PMPCB: variants seen among roughly 807,000 people sequenced by gnomAD.
PMPCB encodes the protein peptidase, mitochondrial processing subunit beta.
Under a neutral mutation model 61.5 loss-of-function variants are expected in PMPCB, and 46 were observed. That is an observed-to-expected ratio of 0.75 (90% CI 0.59 to 0.96). The LOEUF (loss-of-function observed/expected upper bound fraction) is 0.96, where lower values mean the gene tolerates loss of function less well. PMPCB is among the 40% of genes least tolerant of loss of function. PMPCB has a pLI of 0.00. For synonymous variants in PMPCB, 191 were observed against 201.6 expected, an observed-to-expected ratio of 0.95 and a Z score of 0.44; for missense variants, 590 against 602.4, an observed-to-expected ratio of 0.98 and a Z score of 0.22.
Position 103,297,491 on chromosome 7 carries a change from C to T in PMPCB, c.32C>T (p.Ser11Leu), listed in dbSNP as rs760746927. The change falls in exon 1 of 13, where the codon TCA (serine) becomes TTA (leucine). Residue 11 changes from serine (S) to leucine (L), a missense_variant. Ser to Leu is a moderately radical substitution (Grantham distance 145). Transcript: ENST00000249269. MAAAAARVVL[S>L]SAARRRLWGF... Reference sequence around the variant, plus strand: ...GCTGCGGCGGCTCGAGTGGTGTTGTCATCCGCGGCGCGGCGGCGGCTCTGG... The same window carrying T: ...GCTGCGGCGGCTCGAGTGGTGTTGTTATCCGCGGCGCGGCGGCGGCTCTGG... The T allele has an allele frequency of 2.6e-5, 41 of 1,570,984 alleles. No individual in the cohort carries two copies. The highest frequency in any genetic ancestry group is 4.1e-5 in the African/African-American group (3 of 73,766).
At chr7:103,308,693 A>G (rs1817657004) in intron 7 of PMPCB, among the ~76,000 whole-genome samples, 3 of 149,714 alleles carry the variant, frequency 2.0e-5, no homozygotes, top group Admixed American at 6.6e-5. Context: ...AAATGATGCA[A>G]CCCTTTTGAC....
downstream of PMPCB, among the ~76,000 whole-genome samples, chr7:103,317,971 A>C (rs1313986076): frequency 7.3e-6 from 1 of 137,756 alleles, no homozygotes; most frequent in Non-Finnish European, 1.6e-5. Flanking sequence ...TAAATAAATA[A>C]GATTCTTGTA....
At chr7:103,322,820 A>C (rs776020528) in intron 12 of PMPCB, 2 of 1,541,904 alleles carry the variant, frequency 1.3e-6, no homozygotes. Context: ...TATTGGAAAC[A>C]AACTACTGCT....
chr7:103,341,243 T>C, the PMPCB span, among the ~76,000 whole-genome samples: 1 of 152,208 alleles, frequency 6.6e-6, no homozygotes, highest in Non-Finnish European at 1.5e-5. Context: ...GCCAAGGGAA[T>C]TACTTTTCTA....
chr7:103,327,471 G>A lies in PMPCB; in HGVS notation c.*1432-1460G>A. The A allele has an allele frequency of 7.2e-6, 5 of 699,242 alleles. No individual in the cohort carries two copies. The South Asian group carries it at 8.2e-5, about 12-fold the overall frequency. 43.3% of individuals were successfully genotyped at this position (699,242 alleles called of 1,614,324 possible). ...CCAGGTGTTGCTGATGCTGCTGGCTGGGGACACCTCACTTTGTGTCGTGAG... is the reference window on the plus strand; with the variant it reads ...CCAGGTGTTGCTGATGCTGCTGGCTAGGGACACCTCACTTTGTGTCGTGAG... On this transcript the variant is annotated intron_variant and NMD_transcript_variant, in intron 12 of 12. Transcript: ENST00000444457.
chr7:103,328,138 T>C (rs1026381973), intron 12 of PMPCB, among the ~76,000 whole-genome samples: 8 of 151,750 alleles, frequency 5.3e-5, no homozygotes, highest in African/African-American at 9.7e-5. Context: ...GCCAGGCTGG[T>C]CTCAAACTCT....
chr7:103,321,618 C>T (rs1818419052), intron 12 of PMPCB, among the ~76,000 whole-genome samples: 3 of 151,360 alleles, frequency 2.0e-5, no homozygotes, highest in East Asian at 2.0e-4. Flanking sequence ...GAGGCCAAGG[C>T]GGGGAGATCA....
chr7:103,320,949 G>GCA (rs766438222), intron 12 of PMPCB: 2 of 152,496 alleles, frequency 1.3e-5, no homozygotes, highest in Non-Finnish European at 2.9e-5. Flanking sequence ...TATAATCCTA[G>GCA]CACTTTGGGA....
At chr7:103,298,831 C>A in intron 2 of PMPCB, 123 bp downstream of exon 2, 1 of 880,442 alleles carries the variant, frequency 1.1e-6, no homozygotes, top group Non-Finnish European at 1.7e-6. Context: ...TTTGCCTTGA[C>A]AGATTTCCAT....
At chr7:103,330,363 C>T (rs1360980732), downstream of PMPCB, among the ~76,000 whole-genome samples, 2 of 152,070 alleles carry the variant, frequency 1.3e-5, no homozygotes, top group Admixed American at 6.6e-5. Context: ...TCTCAGCTCA[C>T]TGTAGTCTTA....
rs923014492 is a variant in PMPCB, at chr7:103,326,776, T to C, written c.*1432-2155T>C. 8.7e-6 allele frequency: 11 copies of C among 1,264,042 alleles called. No homozygotes were observed. In the African/African-American group the frequency reaches 1.4e-4, roughly 16 times the overall value. 78.3% of individuals were successfully genotyped at this position (1,264,042 alleles called of 1,614,324 possible). On this transcript the variant is annotated intron_variant and NMD_transcript_variant, in intron 12 of 12. Transcript: ENST00000444457. ...TATTTCCCTCCTTAAAACATAGAAG[T>C]CATTAATTTTCATATTTGAAAATTT...
chr7:103,309,829 A>C (rs1817688297), intron 8 of PMPCB, among the ~76,000 whole-genome samples: 1 of 152,246 alleles, frequency 6.6e-6, no homozygotes, highest in Non-Finnish European at 1.5e-5. Flanking sequence ...ACATGGTAAA[A>C]TAACAGGGAA....
chr7:103,304,398 A>T lies in PMPCB; in HGVS notation c.657-13A>T. 2 of 1,451,082 alleles carry T rather than the reference A, an allele frequency of 1.4e-6. No homozygotes were observed. Among genetic ancestry groups the T allele is most frequent in the Non-Finnish European group, 1.9e-6 (2 of 1,040,156 alleles). The allele number at this position is 1,451,082 out of a possible 1,614,324, so 89.9% of individuals were successfully genotyped here. On this transcript the variant is annotated splice_polypyrimidine_tract_variant and intron_variant, in intron 5 of 12. Coordinates refer to ENST00000249269, the MANE Select transcript of PMPCB (RefSeq NM_004279.3). Reference sequence around the variant, plus strand: ...TTTGGTTTCCTTTAAAAATTGTTTTACTTCATTTACAGATCTATAAGTCGT... The same window carrying T: ...TTTGGTTTCCTTTAAAAATTGTTTTTCTTCATTTACAGATCTATAAGTCGT...
At position 103,312,343 on chromosome 7, in the gene PMPCB, T is replaced by C. The variant is rs1817791643; in HGVS notation, c.*72T>C. 2 of 1,581,174 alleles carry C rather than the reference T, an allele frequency of 1.3e-6. No homozygotes were observed. The highest frequency in any genetic ancestry group is 1.4e-5 in the African/African-American group (1 of 73,632). ...AGCTAGAGAAAAATAAAAATGAACA[T>C]GTATATACATTTGGAAATTTGAATT... On this transcript the variant is annotated 3_prime_UTR_variant, in exon 13 of 13. Coordinates refer to ENST00000249269, the MANE Select transcript of PMPCB (RefSeq NM_004279.3).
In PMPCB at chr7:103,312,288, ATTGT is replaced by A. The variant is rs1563451203; in HGVS notation, c.*21_*24del. 6.2e-7 allele frequency: 1 copy of A among 1,607,994 alleles called. No individual in the cohort carries two copies. The highest frequency in any genetic ancestry group is 1.3e-5 in the African/African-American group (1 of 75,012). On this transcript the variant is annotated 3_prime_UTR_variant, in exon 13 of 13. Transcript: ENST00000249269. ...CGTGATTAAAATGCTCCTAATCAAG[ATTGT>A]TTGAACACATGTATTTATAAAACAG...
intron 12 of PMPCB, among the ~76,000 whole-genome samples, chr7:103,328,130 C>T (rs1818804386): frequency 6.6e-6 from 1 of 151,782 alleles, no homozygotes; most frequent in African/African-American, 2.4e-5. Context: ...CTATGTTGGC[C>T]AGGCTGGTCT....
chr7:103,304,442 A>G lies in PMPCB; in HGVS notation c.688A>G (p.Ile230Val). 2 of 1,606,296 alleles carry G rather than the reference A, an allele frequency of 1.2e-6. No individual in the cohort carries two copies. Among genetic ancestry groups the G allele is most frequent in the Non-Finnish European group, 1.7e-6 (2 of 1,172,848 alleles). Reference protein sequence around the residue: ...SISRKDLVDYITTHYKGPRIV... With the variant: ...SISRKDLVDYVTTHYKGPRIV... The stretch of plus-strand genomic sequence containing the variant: ...AAGTCGTAAGGACTTAGTGGATTAT[A>G]TAACCACACATTATAAGGGGCCAAG... The change falls in exon 6 of 13, where the codon ATA becomes GTA. Residue 230 changes from isoleucine to valine, a missense_variant. Transcript: ENST00000249269.
Position 103,303,837 on chromosome 7 carries a change from A to G in PMPCB, c.458-5A>G, listed in dbSNP as rs773275043. The G allele has an allele frequency of 3.5e-5, 56 of 1,589,622 alleles. No individual in the cohort carries two copies. Among genetic ancestry groups the G allele is most frequent in the Non-Finnish European group, 4.6e-5 (54 of 1,166,944 alleles). On this transcript the variant is annotated splice_polypyrimidine_tract_variant and splice_region_variant and intron_variant, in intron 4 of 12. Transcript: ENST00000249269. ...CACGTTTTCTTATATTTTATTTTCA[A>G]TTAGCTGTAGAAATTCTTGCTGATA...
In PMPCB at chr7:103,314,300, C is replaced by T; in HGVS notation, c.*2029C>T. 1.0e-6 allele frequency: 1 copy of T among 985,372 alleles called. No individual in the cohort carries two copies. The highest frequency in any genetic ancestry group is 1.2e-6 in the Non-Finnish European group (1 of 829,896). 61.0% of individuals were successfully genotyped at this position (985,372 alleles called of 1,614,324 possible). Reference sequence around the variant, plus strand: ...CCAAAATAAATTAAACGTACTGTTGCAAAACTCCTATGAGAAATCACTATT... The same window carrying T: ...CCAAAATAAATTAAACGTACTGTTGTAAAACTCCTATGAGAAATCACTATT... On this transcript the variant is annotated 3_prime_UTR_variant, in exon 13 of 13. Coordinates refer to ENST00000249269, the MANE Select transcript of PMPCB (RefSeq NM_004279.3).
Sources: allele counts gnomAD v4.1 joint callset (sites outside exome capture counted in the v4.1 genomes callset), GRCh38; gene constraint gnomAD v4.1.1; transcripts MANE v1.5; gene names NCBI Gene and HGNC (gene_info 2026-07-23, HGNC 2026-07-21).